LARGE1: variants seen among roughly 807,000 people sequenced by gnomAD.
The protein encoded by LARGE1 is LARGE xylosyl- and glucuronyltransferase 1.
LARGE1 carries 43 observed loss-of-function variants against 87.6 expected under a neutral mutation model. The ratio of observed to expected loss-of-function variants is 0.49; its 90% CI spans 0.38 to 0.63. The LOEUF is 0.63. Among genes scored for constraint, LARGE1 ranks in the 30% least tolerant of loss-of-function variants. LARGE1 has a pLI of 0.00. For missense variants in LARGE1, 802 were observed against 1,000.2 expected (o/e 0.80, Z 2.67); for synonymous variants, 434 against 394.6 (o/e 1.10, Z -1.18).
intron 2 of LARGE1, among the ~76,000 whole-genome samples, chr22:33,687,153 CTT>C (rs958730572): frequency 1.7e-4 from 23 of 139,330 alleles, no homozygotes; most frequent in Admixed American, 2.2e-4. Flanking sequence ...CCACCTCTTC[CTT>C]TTTTTTTTTT....
chr22:33,162,696 G>T (rs1333353987), exon 12 of LARGE1: 2 of 152,128 alleles, frequency 1.3e-5, no homozygotes, highest in Non-Finnish European at 2.9e-5. Context: ...TCTGTAAATT[G>T]GCACATGAAG....
chr22:33,095,616 G>A, the LARGE1 span, among the ~76,000 whole-genome samples: 1 of 152,170 alleles, frequency 6.6e-6, no homozygotes, highest in South Asian at 2.1e-4. Flanking sequence ...CATTGCCACT[G>A]CCTATAAAAG....
At chr22:33,657,763 CT>C (rs1042132374) in intron 2 of LARGE1, among the ~76,000 whole-genome samples, 1 of 152,152 alleles carries the variant, frequency 6.6e-6, no homozygotes, top group African/African-American at 2.4e-5. Flanking sequence ...CGTTTGCAGT[CT>C]GATAATGCAC....
At chr22:33,462,796 T>C (rs2068433350) in intron 6 of LARGE1, among the ~76,000 whole-genome samples, 1 of 151,742 alleles carries the variant, frequency 6.6e-6, no homozygotes, top group Non-Finnish European at 1.5e-5. Flanking sequence ...ATAAAAATAA[T>C]ATATATACCA....
intron 3 of LARGE1, among the ~76,000 whole-genome samples, chr22:33,641,959 C>T (rs1321958905): frequency 6.6e-6 from 1 of 152,190 alleles, no homozygotes; most frequent in African/African-American, 2.4e-5. Flanking sequence ...AAACACTCTT[C>T]AGGATATTAT....
chr22:33,392,269 T>A (rs185968241), intron 7 of LARGE1, among the ~76,000 whole-genome samples: 1 of 152,088 alleles, frequency 6.6e-6, no homozygotes, highest in Non-Finnish European at 1.5e-5. Flanking sequence ...ATCAATATGA[T>A]TCTTGAAAAA....
rs73166296 is a variant in LARGE1, at chr22:33,476,934, G to A, written c.788-44669C>T. Among the ~76,000 whole-genome samples the A allele has an allele frequency of 2.3e-3, 357 of 152,282 alleles. 1 individual carries two copies. Among genetic ancestry groups the A allele is most frequent in the Non-Finnish European group, 3.9e-3 (268 of 68,026 alleles). ...TGTGAGTCATGAGGTGCTGCCCTGCGATTCTTCGGCTCGGTGACAATTGCT... is the reference window on the plus strand; with the variant it reads ...TGTGAGTCATGAGGTGCTGCCCTGCAATTCTTCGGCTCGGTGACAATTGCT... On this transcript the variant is annotated intron_variant, in intron 6 of 14. Coordinates refer to ENST00000397394, the MANE Select transcript of LARGE1 (RefSeq NM_133642.5).
At chr22:33,320,831 A>T (rs1601434335) in intron 10 of LARGE1, 1 of 152,150 alleles carries the variant, frequency 6.6e-6, no homozygotes, top group African/African-American at 2.4e-5. Flanking sequence ...GGTACAGGTG[A>T]TTTCCTCTCC....
intron 5 of LARGE1, among the ~76,000 whole-genome samples, chr22:33,579,595 C>T (rs2078454092): frequency 6.6e-6 from 1 of 152,158 alleles, no homozygotes; most frequent in African/African-American, 2.4e-5. Context: ...CCAGGGCTGG[C>T]CACACTTTGG....
chr22:33,365,065 T>C (rs2064538664), intron 9 of LARGE1, among the ~76,000 whole-genome samples: 1 of 152,116 alleles, frequency 6.6e-6, no homozygotes, highest in South Asian at 2.1e-4. Context: ...TTTTTATTTT[T>C]GATATAAAAA....
At chr22:33,321,414 C>T (rs1936701211) in intron 10 of LARGE1, among the ~76,000 whole-genome samples, 1 of 152,134 alleles carries the variant, frequency 6.6e-6, no homozygotes, top group Non-Finnish European at 1.5e-5. Context: ...CTAAAATATG[C>T]CTATAAACCA....
intron 11 of LARGE1, among the ~76,000 whole-genome samples, chr22:33,244,846 A>G (rs1190340671): frequency 6.6e-6 from 1 of 152,194 alleles, no homozygotes; most frequent in Non-Finnish European, 1.5e-5. Context: ...GGGGAGGGGA[A>G]GTGGATAACA....
At chr22:33,736,115 T>G (rs2083647852) in intron 2 of LARGE1, among the ~76,000 whole-genome samples, 1 of 152,230 alleles carries the variant, frequency 6.6e-6, no homozygotes, top group African/African-American at 2.4e-5. Context: ...GTACATGTTT[T>G]TGTTTGAGAA....
intron 2 of LARGE1, among the ~76,000 whole-genome samples, chr22:33,660,091 T>G (rs939967878): frequency 2.2e-4 from 9 of 41,624 alleles, no homozygotes; most frequent in Non-Finnish European, 1.1e-4. Context: ...TGTGTGTGTG[T>G]TTTTTTTTTT....
chr22:33,375,101 A>G (rs528683109), intron 9 of LARGE1, among the ~76,000 whole-genome samples: 38 of 152,340 alleles, frequency 2.5e-4, no homozygotes, highest in Non-Finnish European at 4.6e-4. Flanking sequence ...AAGCAGAACA[A>G]AAATAAATTG....
intron 1 of LARGE1, among the ~76,000 whole-genome samples, chr22:33,867,815 A>G (rs1051930519): frequency 1.8e-4 from 28 of 152,184 alleles, no homozygotes; most frequent in African/African-American, 5.8e-4. Flanking sequence ...GAACTTAAAT[A>G]AAGTGCCCAA....
intron 3 of LARGE1, among the ~76,000 whole-genome samples, chr22:33,627,069 C>T (rs2079944048): frequency 6.6e-6 from 1 of 152,164 alleles, no homozygotes; most frequent in South Asian, 2.1e-4. Flanking sequence ...TCCAATGATA[C>T]CAAAAAAGGT....
chr22:33,652,115 G>T (rs996153157), intron 2 of LARGE1, among the ~76,000 whole-genome samples: 1 of 152,146 alleles, frequency 6.6e-6, no homozygotes, highest in East Asian at 1.9e-4. Flanking sequence ...GGCAGGGGTT[G>T]CAGTAAGCCG....
intron 1 of LARGE1, among the ~76,000 whole-genome samples, chr22:33,854,741 G>A (rs1174353463): frequency 6.6e-6 from 1 of 152,072 alleles, no homozygotes; most frequent in African/African-American, 2.4e-5. Flanking sequence ...GACACAGAAG[G>A]AATCTTGGGA....
Sources: gnomAD v4.1 joint callset for allele counts (sites outside exome capture counted in the v4.1 genomes callset) on GRCh38, gnomAD v4.1.1 for gene constraint, MANE v1.5 for transcripts, NCBI Gene and HGNC (gene_info 2026-07-23, HGNC 2026-07-21) for gene names.